MB21D2: variants seen among roughly 807,000 people sequenced by gnomAD.
MB21D2 encodes the protein Mab-21 domain containing 2.
In MB21D2, 9 loss-of-function variants were observed where a neutral mutation model predicts 33.3. The observed-to-expected ratio is 0.27, with a 90% CI of 0.16 to 0.47. The LOEUF (loss-of-function observed/expected upper bound fraction) is 0.47. Ranked by LOEUF, MB21D2 falls within the 20% of genes least tolerant of loss-of-function variation. The pLI is 0.99. For synonymous variants in MB21D2, 241 were observed against 236.3 expected (o/e 1.02, Z -0.18); for missense variants, 540 against 624.6 (o/e 0.86, Z 1.44).
At position 192,906,539 on chromosome 3, in the gene MB21D2, C is replaced by T. The variant is rs148710481; in HGVS notation, c.211+11091G>A. 4.9e-3 allele frequency among the ~76,000 whole-genome samples: 748 copies of T among 152,326 alleles called. 7 individuals are homozygous for T. The highest frequency in any genetic ancestry group is 6.5e-3 in the Admixed American group (100 of 15,292). On this transcript the variant is annotated intron_variant, in intron 1 of 1. Transcript: ENST00000392452. ...TACCTGGAATACACTTCCACCCAGTCTTCAGATGGCTGCTGCTGCTGCTGC... is the reference window on the plus strand; with the variant it reads ...TACCTGGAATACACTTCCACCCAGTTTTCAGATGGCTGCTGCTGCTGCTGC...
rs137882993 is a variant in MB21D2 at position 192,883,066 on chromosome 3, C to T, written c.211+34564G>A. On this transcript the variant is annotated intron_variant, in intron 1 of 1. Transcript: ENST00000392452. The stretch of plus-strand genomic sequence containing the variant: ...TATTTTTAGTAGAGATGGGGTTTCA[C>T]CATGTAGGCCAGGCTGGTCTCAAAC... Among the ~76,000 whole-genome samples the T allele has an allele frequency of 5.9e-3, 894 of 152,096 alleles. 21 individuals carry two copies. The highest frequency in any genetic ancestry group is 0.021 in the African/African-American group (858 of 41,404).
In MB21D2 at chr3:192,798,917, G is replaced by A; in HGVS notation, c.945C>T (p.Ala315=). The A allele has an allele frequency of 6.2e-7, 1 of 1,613,734 alleles. No homozygotes were observed. Among genetic ancestry groups the A allele is most frequent in the Non-Finnish European group, 8.5e-7 (1 of 1,179,814 alleles). Residue 315 remains alanine (A), a synonymous_variant, in exon 2 of 2, where the codon GCC becomes GCT. Coordinates refer to ENST00000392452, the MANE Select transcript of MB21D2 (RefSeq NM_178496.4). This position sits in a 1 kb window ranked among gnomAD's most constrained non-coding sequence, Gnocchi z 4.8. ...GCCGGGACAGCAGTTTAATGATGAT[G>A]GCTTTGCAGGCCTGATAGGCCTGCA... ...SLMQAYQACK[A]IIIKLLSRPK... is the part of the protein sequence containing the mutation.
At chr3:192,807,416 C>G in intron 1 of MB21D2, among the ~76,000 whole-genome samples, 1 of 151,806 alleles carries the variant, frequency 6.6e-6, no homozygotes, top group Non-Finnish European at 1.5e-5. Context: ...CAGGGATGAC[C>G]ACATTAATGC....
At chr3:192,844,053 G>C (rs1172515901) in intron 1 of MB21D2, among the ~76,000 whole-genome samples, 1 of 152,148 alleles carries the variant, frequency 6.6e-6, no homozygotes, top group African/African-American at 2.4e-5. Flanking sequence ...TTTCTGTCCA[G>C]GTTTTGATTT....
chr3:192,804,702 T>A (rs923533040), intron 1 of MB21D2, among the ~76,000 whole-genome samples: 1 of 151,830 alleles, frequency 6.6e-6, no homozygotes, highest in Non-Finnish European at 1.5e-5. Flanking sequence ...GCAGGAAGGG[T>A]ACACGGTGTG....
chr3:192,844,911 G>A (rs1443335778), intron 1 of MB21D2, among the ~76,000 whole-genome samples: 2 of 152,152 alleles, frequency 1.3e-5, no homozygotes, highest in African/African-American at 4.8e-5. Flanking sequence ...TCTCGGCCAG[G>A]CGGTTGGCAG....
chr3:192,828,583 A>AC (rs5855456), intron 1 of MB21D2, among the ~76,000 whole-genome samples: 1,422 of 35,736 alleles, frequency 0.04, 257 homozygotes, highest in East Asian at 0.078. Flanking sequence ...AATAAAACTC[A>AC]CCCCCCCCAT....
intron 1 of MB21D2, among the ~76,000 whole-genome samples, chr3:192,844,193 G>A (rs375310877): frequency 5.3e-5 from 8 of 152,288 alleles, no homozygotes; most frequent in African/African-American, 1.4e-4. Flanking sequence ...TCTCACTTAC[G>A]TTGTCCTTCC....
intron 1 of MB21D2, among the ~76,000 whole-genome samples, chr3:192,891,057 T>G (rs1713843563): frequency 6.6e-6 from 1 of 152,168 alleles, no homozygotes; most frequent in Non-Finnish European, 1.5e-5. Context: ...GGGAGACTTA[T>G]TTAAACTACA....
Position 192,799,394 on chromosome 3 carries a change from C to T in MB21D2, c.468G>A (p.Gly156=), listed in dbSNP as rs988513888. 1.1e-5 allele frequency: 17 copies of T among 1,614,222 alleles called. No homozygotes were observed. Among genetic ancestry groups the T allele is most frequent in the Non-Finnish European group, 1.4e-5 (17 of 1,180,042 alleles). ...SWLSLRLFDE[G]TISKWKDCCT... The stretch of plus-strand genomic sequence containing the variant: ...AGCAGTCTTTCCATTTACTGATTGT[C>T]CCCTCATCAAAGAGCCGAAGGCTCA... Residue 156 remains glycine, a synonymous_variant, in exon 2 of 2, where the codon GGG becomes GGA. Transcript: ENST00000392452. The surrounding 1 kb of genome is among the most constrained non-coding windows in gnomAD (Gnocchi z 4.1).
chr3:192,869,503 AC>A (rs1190511961), intron 1 of MB21D2, among the ~76,000 whole-genome samples: 3 of 152,172 alleles, frequency 2.0e-5, no homozygotes, highest in African/African-American at 7.2e-5. Context: ...TCCCCAAATC[AC>A]TGGAACAAAC....
intron 1 of MB21D2, among the ~76,000 whole-genome samples, chr3:192,901,830 A>G (rs2108652093): frequency 6.6e-6 from 1 of 152,330 alleles, no homozygotes; most frequent in South Asian, 2.1e-4. Flanking sequence ...CTGCTCCCCC[A>G]TTATCCCCAC....
At chr3:192,841,837 G>T (rs536558465) in intron 1 of MB21D2, among the ~76,000 whole-genome samples, 69 of 152,354 alleles carry the variant, frequency 4.5e-4, no homozygotes, top group African/African-American at 1.5e-3. Flanking sequence ...AAGGTTAGGG[G>T]TTCTTTGTCA....
At chr3:192,830,474 C>A (rs1045955357) in intron 1 of MB21D2, among the ~76,000 whole-genome samples, 1 of 152,160 alleles carries the variant, frequency 6.6e-6, no homozygotes. Flanking sequence ...ACACTCACAG[C>A]TGCAGTAATC....
At chr3:192,863,376 C>G (rs1192064005) in intron 1 of MB21D2, among the ~76,000 whole-genome samples, 1 of 152,198 alleles carries the variant, frequency 6.6e-6, no homozygotes, top group African/African-American at 2.4e-5. Flanking sequence ...AAACACCCAA[C>G]TCGGTGACAT....
intron 1 of MB21D2, among the ~76,000 whole-genome samples, chr3:192,893,648 C>T (rs1288518454): frequency 6.6e-6 from 1 of 152,164 alleles, no homozygotes; most frequent in Non-Finnish European, 1.5e-5. Context: ...GCTTCACTGC[C>T]CATTTCTCAG....
intron 1 of MB21D2, among the ~76,000 whole-genome samples, chr3:192,908,080 A>G (rs1378173877): frequency 1.3e-5 from 2 of 152,224 alleles, no homozygotes; most frequent in Admixed American, 6.5e-5. Flanking sequence ...CCTCTGCCAC[A>G]TAAGGAGATA....
intron 1 of MB21D2, among the ~76,000 whole-genome samples, chr3:192,842,579 C>T (rs1712597276): frequency 6.6e-6 from 1 of 151,974 alleles, no homozygotes; most frequent in Non-Finnish European, 1.5e-5. Flanking sequence ...TAAAATGAAG[C>T]CAACTAATAA....
chr3:192,840,488 G>T (rs1404322250), intron 1 of MB21D2, among the ~76,000 whole-genome samples: 1 of 141,496 alleles, frequency 7.1e-6, no homozygotes, highest in Non-Finnish European at 1.5e-5. Flanking sequence ...TATCCAGAGA[G>T]CGTTATTGGG....
Sources: allele counts gnomAD v4.1 joint callset (sites outside exome capture counted in the v4.1 genomes callset), GRCh38; gene constraint gnomAD v4.1.1; non-coding constraint Gnocchi (gnomAD v3.1); transcripts MANE v1.5; gene names NCBI Gene and HGNC (gene_info 2026-07-23, HGNC 2026-07-21).